The following SMARCC1 variants were observed in gnomAD, a reference collection of about 807,000 sequenced individuals.
The protein encoded by SMARCC1 is SWI/SNF related BAF chromatin remodeling complex subunit C1, also known as SWI/SNF complex subunit SMARCC1.
In SMARCC1, 43 loss-of-function variants were observed where a neutral mutation model predicts 147.4. That is an observed-to-expected ratio of 0.29 (90% CI 0.23 to 0.38). The LOEUF (loss-of-function observed/expected upper bound fraction) is 0.38. SMARCC1 is among the 10% of genes least tolerant of loss of function. The pLI, the probability that SMARCC1 is intolerant of heterozygous loss-of-function variation, is 1.00. For synonymous variants in SMARCC1, 495 were observed against 484.4 expected (o/e 1.02, Z -0.29); for missense variants, 1,119 against 1,381.1 (o/e 0.81, Z 3.01).
intron 26 of SMARCC1, among the ~76,000 whole-genome samples, chr3:47,593,962 C>T (rs1238566123): frequency 9.2e-5 from 14 of 152,064 alleles, no homozygotes; most frequent in Admixed American, 3.3e-4. Context: ...GTCAGGAGTT[C>T]GTGACCAGCC....
intron 26 of SMARCC1, chr3:47,604,100 T>G (rs539639056): frequency 4.4e-6 from 2 of 456,626 alleles, no homozygotes; most frequent in African/African-American, 4.0e-5. Flanking sequence ...AAATGGAATA[T>G]GTACAGGTGC....
intron 2 of SMARCC1, among the ~76,000 whole-genome samples, chr3:47,765,108 G>A (rs746890931): frequency 1.3e-5 from 2 of 152,078 alleles, no homozygotes; most frequent in African/African-American, 2.4e-5. Flanking sequence ...AAAATTAGCC[G>A]GGCGTGGTGG....
chr3:47,723,486 A>T (rs961283932), intron 6 of SMARCC1, among the ~76,000 whole-genome samples: 2 of 151,406 alleles, frequency 1.3e-5, no homozygotes, highest in African/African-American at 4.9e-5. Context: ...AAAAAAAAAA[A>T]TTTAAAAGGC....
In SMARCC1 at chr3:47,781,848, T is replaced by A. The variant is rs912356132; in HGVS notation, c.-51A>T. The A allele has an allele frequency of 8.1e-7, 1 of 1,232,098 alleles. No homozygotes were observed. The highest frequency in any genetic ancestry group is 1.6e-5 in the African/African-American group (1 of 63,022). The allele number at this position is 1,232,098 out of a possible 1,614,324, so 76.3% of individuals were successfully genotyped here. On this transcript the variant is annotated 5_prime_UTR_variant, in exon 1 of 28. Coordinates refer to ENST00000254480, the MANE Select transcript of SMARCC1 (RefSeq NM_003074.4). ...CTGGCCCACCCCGGCCCTCGCGGTG[T>A]TTCCCGGTCGTTCCCGCGCGCACCC...
intron 24 of SMARCC1, among the ~76,000 whole-genome samples, chr3:47,629,842 T>C (rs2032863270): frequency 6.6e-6 from 1 of 152,064 alleles, no homozygotes; most frequent in African/African-American, 2.4e-5. Flanking sequence ...TCATGACAGA[T>C]AATAAAATGA....
At chr3:47,722,149 CCTGTT>C (rs1179826262) in intron 6 of SMARCC1, among the ~76,000 whole-genome samples, 3 of 151,814 alleles carry the variant, frequency 2.0e-5, no homozygotes, top group Non-Finnish European at 2.9e-5. Flanking sequence ...CCTGTCCTGT[CCTGTT>C]AAGTGTGTCT....
chr3:47,781,516 G>T, intron 1 of SMARCC1, 87 bp downstream of exon 1: 2 of 930,280 alleles, frequency 2.1e-6, no homozygotes, highest in Non-Finnish European at 3.0e-6. Context: ...GTGCGGGGGG[G>T]AGGGGCGGCC....
intron 2 of SMARCC1, among the ~76,000 whole-genome samples, chr3:47,770,319 G>A (rs1344133013): frequency 1.3e-5 from 2 of 150,746 alleles, no homozygotes; most frequent in African/African-American, 2.4e-5. Context: ...CTTGAGCCCA[G>A]GAGTTCAAGA....
At position 47,713,049 on chromosome 3, in the gene SMARCC1, G is replaced by A. The variant is rs554262744; in HGVS notation, c.792+1366C>T. Among the ~76,000 whole-genome samples, 34 of 152,148 alleles carry A rather than the reference G, an allele frequency of 2.2e-4. 1 individual carries two copies. The highest frequency in any genetic ancestry group is 4.3e-4 in the Non-Finnish European group (29 of 68,002). ...AAAAACAGAAAAATCTGGGCCAGGC[G>A]CAATGGCTCACACCTGTAATCCCAA... On this transcript the variant is annotated intron_variant, in intron 8 of 27. Coordinates refer to ENST00000254480, the MANE Select transcript of SMARCC1 (RefSeq NM_003074.4).
chr3:47,667,012 G>A (rs1288127823), intron 19 of SMARCC1, among the ~76,000 whole-genome samples: 2 of 152,070 alleles, frequency 1.3e-5, no homozygotes, highest in African/African-American at 4.8e-5. Context: ...TTATTTAGCT[G>A]GCATAAAAAA....
chr3:47,610,473 G>T, intron 25 of SMARCC1, 146 bp from the exon 26 acceptor site: 1 of 773,004 alleles, frequency 1.3e-6, no homozygotes, highest in Non-Finnish European at 2.2e-6. Flanking sequence ...TCTACAGTGA[G>T]AACAAAGGCA....
chr3:47,710,160 T>C lies in SMARCC1; in HGVS notation c.918+523A>G, dbSNP rs186242965. 2.5e-3 allele frequency among the ~76,000 whole-genome samples: 384 copies of C among 152,108 alleles called. 1 individual carries two copies. Among genetic ancestry groups the C allele is most frequent in the Admixed American group, 4.1e-3 (62 of 15,262 alleles). On this transcript the variant is annotated intron_variant, in intron 9 of 27. Transcript: ENST00000254480. The stretch of plus-strand genomic sequence containing the variant: ...GGAGAAACCCTGTCTCTACTAAAAA[T>C]GCAAAAATTAGCCAGGTATGGTGGC...
chr3:47,652,516 C>T (rs1163228713), intron 21 of SMARCC1, among the ~76,000 whole-genome samples: 1 of 151,588 alleles, frequency 6.6e-6, no homozygotes, highest in East Asian at 1.9e-4. Flanking sequence ...TGGCAGCCTG[C>T]TACAATGAAG....
At chr3:47,755,905 G>A (rs1296981399) in intron 2 of SMARCC1, among the ~76,000 whole-genome samples, 3 of 145,552 alleles carry the variant, frequency 2.1e-5, no homozygotes, top group South Asian at 4.5e-4. Context: ...CAAGGGAATC[G>A]CTTGAATCCG....
chr3:47,711,025 A>AT, intron 8 of SMARCC1, among the ~76,000 whole-genome samples: 1 of 152,222 alleles, frequency 6.6e-6, no homozygotes, highest in Non-Finnish European at 1.5e-5. Context: ...TTTATACTAG[A>AT]CCCAGATTTT....
intron 22 of SMARCC1, among the ~76,000 whole-genome samples, chr3:47,637,405 A>G (rs757074762): frequency 9.2e-5 from 14 of 152,142 alleles, no homozygotes; most frequent in Non-Finnish European, 1.3e-4. Flanking sequence ...GTGCAGTAAC[A>G]GTATTAGGAA....
chr3:47,760,028 T>C (rs1035823517), intron 2 of SMARCC1, among the ~76,000 whole-genome samples: 1 of 151,322 alleles, frequency 6.6e-6, no homozygotes, highest in East Asian at 2.0e-4. Flanking sequence ...ACAGAAAAAT[T>C]TGAGGCCAGG....
intron 2 of SMARCC1, among the ~76,000 whole-genome samples, chr3:47,751,484 T>C (rs1387884385): frequency 1.3e-5 from 2 of 151,110 alleles, no homozygotes; most frequent in Admixed American, 6.6e-5. Context: ...GAAGTTGCAG[T>C]GAGCTGAGAT....
At position 47,736,063 on chromosome 3, in the gene SMARCC1, T is replaced by C; in HGVS notation, c.547A>G (p.Lys183Glu). ...TGTCGTTTGATGATATCTTTCAATT[T>C]GTTAGCCAACTTCAGATCAATGTCT... ...IPDIDLKLAN[K>E]LKDIIKRHQG... Residue 183 changes from lysine to glutamate, a missense_variant, in exon 5 of 28, where the codon AAA becomes GAA. Physicochemically the swap from Lys to Glu is moderately conservative, Grantham distance 56. Coordinates refer to ENST00000254480, the MANE Select transcript of SMARCC1 (RefSeq NM_003074.4). 1.9e-6 allele frequency: 3 copies of C among 1,596,594 alleles called. No homozygotes were observed. The highest frequency in any genetic ancestry group is 2.6e-6 in the Non-Finnish European group (3 of 1,168,376).
Sources: gnomAD v4.1 joint callset for allele counts (sites outside exome capture counted in the v4.1 genomes callset) on GRCh38, gnomAD v4.1.1 for gene constraint, MANE v1.5 for transcripts, NCBI Gene and HGNC (gene_info 2026-07-23, HGNC 2026-07-21) for gene names.